PEX5L: variants seen among roughly 807,000 people sequenced by gnomAD.
PEX5L encodes the protein peroxisomal biogenesis factor 5 like, also known as PEX5-related protein.
Under a neutral mutation model 84.0 loss-of-function variants are expected in PEX5L, and 30 were observed. The observed-to-expected ratio is 0.36, with a 90% CI of 0.27 to 0.48. The LOEUF is 0.48. Among genes scored for constraint, PEX5L ranks in the 20% least tolerant of loss-of-function variants. The pLI is 0.99. For synonymous variants in PEX5L, 270 were observed against 283.1 expected (o/e 0.95, Z 0.46); for missense variants, 533 against 754.6 (o/e 0.71, Z 3.44).
chr3:179,996,031 C>T (rs1287577987), intron 1 of PEX5L, among the ~76,000 whole-genome samples: 1 of 152,164 alleles, frequency 6.6e-6, no homozygotes, highest in Non-Finnish European at 1.5e-5. Flanking sequence ...TCAGCCTTTC[C>T]ACCTTTGTCT....
At chr3:179,899,385 A>C (rs1760499965) in intron 2 of PEX5L, among the ~76,000 whole-genome samples, 2 of 152,180 alleles carry the variant, frequency 1.3e-5, no homozygotes, top group Admixed American at 6.6e-5. Context: ...TTAAAATACA[A>C]ATGTAGCAGA....
chr3:179,962,545 A>T (rs1446787137), intron 2 of PEX5L, among the ~76,000 whole-genome samples: 1 of 152,216 alleles, frequency 6.6e-6, no homozygotes, highest in Non-Finnish European at 1.5e-5. Flanking sequence ...TCCTTCCCCT[A>T]TTAAGGTGAC....
At chr3:179,923,229 T>C (rs560616299) in intron 2 of PEX5L, among the ~76,000 whole-genome samples, 81 of 140,596 alleles carry the variant, frequency 5.8e-4, no homozygotes, top group African/African-American at 2.1e-3. Flanking sequence ...AGGCAGAGCT[T>C]GCAGTGAGTC....
At chr3:179,932,731 TA>T (rs1001818106) in intron 2 of PEX5L, among the ~76,000 whole-genome samples, 5 of 152,212 alleles carry the variant, frequency 3.3e-5, no homozygotes, top group Admixed American at 2.6e-4. Context: ...AAAAAATTAA[TA>T]ATTATTTAAA....
At chr3:179,877,096 C>A (rs1344285450) in intron 5 of PEX5L, among the ~76,000 whole-genome samples, 1 of 152,196 alleles carries the variant, frequency 6.6e-6, no homozygotes, top group Non-Finnish European at 1.5e-5. Flanking sequence ...GAATTTTCCA[C>A]TTACAGATTT....
intron 8 of PEX5L, among the ~76,000 whole-genome samples, chr3:179,840,133 T>C (rs1396756989): frequency 4.6e-5 from 7 of 150,676 alleles, no homozygotes; most frequent in African/African-American, 1.5e-4. Flanking sequence ...GTTTTATTTG[T>C]AATGGAAAAC....
At chr3:179,846,403 G>T (rs147285109) in intron 8 of PEX5L, among the ~76,000 whole-genome samples, 165 of 152,182 alleles carry the variant, frequency 1.1e-3, no homozygotes, top group Non-Finnish European at 2.1e-3. Context: ...AACTATAGTT[G>T]CCCTACTGTG....
At chr3:179,907,185 C>G (rs1763519939) in intron 2 of PEX5L, among the ~76,000 whole-genome samples, 1 of 151,386 alleles carries the variant, frequency 6.6e-6, no homozygotes, top group Non-Finnish European at 1.5e-5. Flanking sequence ...TTTCTTGCCT[C>G]TAGTAAATAA....
chr3:180,005,353 T>C (rs1788786522), intron 1 of PEX5L, among the ~76,000 whole-genome samples: 1 of 152,182 alleles, frequency 6.6e-6, no homozygotes, highest in South Asian at 2.1e-4. Context: ...CTCAAAATCC[T>C]GTGCTCAAGG....
intron 2 of PEX5L, among the ~76,000 whole-genome samples, chr3:179,950,531 TA>T (rs948789234): frequency 1.3e-5 from 2 of 151,844 alleles, no homozygotes; most frequent in African/African-American, 4.8e-5. Context: ...TTAAAAAATG[TA>T]AAAAAAAATA....
chr3:180,009,480 T>A (rs775727789), intron 1 of PEX5L, among the ~76,000 whole-genome samples: 9 of 151,942 alleles, frequency 5.9e-5, no homozygotes, highest in Non-Finnish European at 8.8e-5. Flanking sequence ...AACAAAAATT[T>A]AAAAAATAAA....
chr3:179,859,982 C>T (rs1264296570), intron 7 of PEX5L, among the ~76,000 whole-genome samples: 2 of 152,122 alleles, frequency 1.3e-5, no homozygotes, highest in Non-Finnish European at 2.9e-5. Flanking sequence ...TTTTTCTCTG[C>T]AGTTACATAA....
chr3:179,949,385 G>A (rs1307844259), intron 2 of PEX5L, among the ~76,000 whole-genome samples: 1 of 152,070 alleles, frequency 6.6e-6, no homozygotes, highest in East Asian at 1.9e-4. Context: ...TATGTTTTAA[G>A]CATTGTTGCA....
chr3:179,908,463 CT>C (rs1169185357), intron 2 of PEX5L, among the ~76,000 whole-genome samples: 1 of 152,138 alleles, frequency 6.6e-6, no homozygotes, highest in Non-Finnish European at 1.5e-5. Context: ...TCTGTTTTAT[CT>C]TTTTTTATTT....
At chr3:179,893,193 A>C (rs1197999928) in intron 3 of PEX5L, among the ~76,000 whole-genome samples, 1 of 152,118 alleles carries the variant, frequency 6.6e-6, no homozygotes, top group African/African-American at 2.4e-5. Context: ...AATATTAGCT[A>C]CCATATCACC....
intron 8 of PEX5L, among the ~76,000 whole-genome samples, chr3:179,851,267 G>C (rs1741744802): frequency 1.3e-5 from 2 of 152,314 alleles, no homozygotes; most frequent in South Asian, 2.1e-4. Flanking sequence ...AGAAGTCCAA[G>C]ATCAAGGAGC....
chr3:179,938,988 C>G (rs547952228), intron 2 of PEX5L, among the ~76,000 whole-genome samples: 17 of 152,174 alleles, frequency 1.1e-4, no homozygotes, highest in Non-Finnish European at 2.2e-4. Context: ...GCATAAAACA[C>G]GAGCCCTGAA....
At chr3:179,904,640 T>A (rs1164121977) in intron 2 of PEX5L, among the ~76,000 whole-genome samples, 1 of 152,186 alleles carries the variant, frequency 6.6e-6, no homozygotes, top group Non-Finnish European at 1.5e-5. Flanking sequence ...ACAAAAATAA[T>A]CCAGACTGTA....
At position 179,965,284 on chromosome 3, in the gene PEX5L, A is replaced by G. The variant is rs76790630; in HGVS notation, c.93+6310T>C. ...ACGAGTTACAGAGGAAAAAGTCCCA[A>G]AACAAAGGAGTGGTGGCCCTGGATT... On this transcript the variant is annotated intron_variant, in intron 2 of 14. Transcript: ENST00000467460. Among the ~76,000 whole-genome samples, 985 of 152,298 alleles carry G rather than the reference A, an allele frequency of 6.5e-3. 10 individuals are homozygous for G. Among genetic ancestry groups the G allele is most frequent in the Middle Eastern group, 0.01 (3 of 294 alleles).
Sources: allele counts gnomAD v4.1 joint callset (sites outside exome capture counted in the v4.1 genomes callset), GRCh38; gene constraint gnomAD v4.1.1; transcripts MANE v1.5; gene names NCBI Gene and HGNC (gene_info 2026-07-23, HGNC 2026-07-21).